UQCC1: variants seen among roughly 807,000 people sequenced by gnomAD.
The protein encoded by UQCC1 is ubiquinol-cytochrome c reductase complex assembly factor 1.
Under a neutral mutation model 48.0 loss-of-function variants are expected in UQCC1, and 38 were observed. That is an observed-to-expected ratio of 0.79 (90% CI 0.61 to 1.04). The LOEUF (loss-of-function observed/expected upper bound fraction) is 1.04, where lower values mean the gene tolerates loss of function less well. UQCC1 is among the 50% of genes least tolerant of loss of function. UQCC1 has a pLI of 0.00. For missense variants in UQCC1, 368 were observed against 381.8 expected (o/e 0.96, Z 0.30); for synonymous variants, 111 against 129.2 (o/e 0.86, Z 0.95).
At chr20:35,332,473 C>T (rs563830230) in intron 7 of UQCC1, among the ~76,000 whole-genome samples, 27 of 152,192 alleles carry the variant, frequency 1.8e-4, no homozygotes, top group Non-Finnish European at 3.7e-4. Context: ...ACATGCAGTA[C>T]GGTATCCTTT....
intron 1 of UQCC1, 135 bp from the exon 2 acceptor site, chr20:35,394,331 C>T (rs557061149): frequency 4.9e-5 from 36 of 735,592 alleles, no homozygotes; most frequent in Non-Finnish European, 7.3e-5. Flanking sequence ...TGGCACAGAG[C>T]TCCTAAAACC....
At chr20:35,398,753 T>G (rs200705377) in intron 1 of UQCC1, among the ~76,000 whole-genome samples, 90 of 106,430 alleles carry the variant, frequency 8.5e-4, no homozygotes, top group African/African-American at 1.0e-3. Context: ...GGGCCAAAGG[T>G]GGGGGGGGGG....
chr20:35,318,868 C>T (rs1280698799), intron 7 of UQCC1, among the ~76,000 whole-genome samples: 1 of 152,066 alleles, frequency 6.6e-6, no homozygotes, highest in Non-Finnish European at 1.5e-5. Flanking sequence ...GGATTTTATT[C>T]CCTCATTTAA....
At chr20:35,328,523 C>A (rs60537812) in intron 7 of UQCC1, among the ~76,000 whole-genome samples, 7,143 of 152,244 alleles carry the variant, frequency 0.047, 262 homozygotes, top group African/African-American at 0.098. Flanking sequence ...GTCTATTTTA[C>A]GGAGAGAAAA....
intron 7 of UQCC1, among the ~76,000 whole-genome samples, chr20:35,329,327 C>A (rs955459472): frequency 2.6e-5 from 4 of 152,166 alleles, no homozygotes; most frequent in African/African-American, 9.7e-5. Flanking sequence ...ATCTGAGCAT[C>A]AGTAGGACAG....
At chr20:35,379,834 T>C (rs1316320978) in intron 4 of UQCC1, among the ~76,000 whole-genome samples, 1 of 151,882 alleles carries the variant, frequency 6.6e-6, no homozygotes, top group East Asian at 1.9e-4. Context: ...TTAAATAAAA[T>C]AAAATGAAGG....
chr20:35,376,904 T>C (rs1424797593), intron 4 of UQCC1, among the ~76,000 whole-genome samples: 1 of 150,290 alleles, frequency 6.7e-6, no homozygotes, highest in Non-Finnish European at 1.5e-5. Context: ...GTGAGCTGAG[T>C]GCGCCACTGC....
intron 5 of UQCC1, among the ~76,000 whole-genome samples, chr20:35,371,699 GAAAA>G (rs57335287): frequency 2.2e-5 from 2 of 92,236 alleles, no homozygotes; most frequent in Admixed American, 1.1e-4. Context: ...GGCACTTAAA[GAAAA>G]AAAAAAAAAA....
rs116742995 is a variant in UQCC1 at position 35,346,818 on chromosome 20, T to C, written c.573+346A>G. ...ATTTATAGAAGGACTGGTTCAAATA[T>C]TGAACTGGTGTCAAAGGTATAGTAT... On this transcript the variant is annotated intron_variant, in intron 7 of 9. Transcript: ENST00000374385. The C allele has an allele frequency of 1.7e-3, 1,076 of 629,754 alleles. 16 individuals carry two copies. In the African/African-American group the frequency reaches 0.018, roughly 11 times the overall value. 39.0% of individuals were successfully genotyped at this position (629,754 alleles called of 1,614,324 possible). A position where few individuals can be genotyped will look rare whatever the true frequency, so the allele number is the denominator to read the frequency against.
intron 7 of UQCC1, among the ~76,000 whole-genome samples, chr20:35,336,248 A>C (rs1242781701): frequency 6.6e-6 from 1 of 152,202 alleles, no homozygotes; most frequent in Non-Finnish European, 1.5e-5. Context: ...TGTAAGTCTA[A>C]TTAAATTGCC....
intron 2 of UQCC1, among the ~76,000 whole-genome samples, chr20:35,391,586 G>A (rs936087705): frequency 7.9e-5 from 12 of 151,440 alleles, no homozygotes; most frequent in African/African-American, 2.7e-4. Context: ...TAGTGCCACT[G>A]CCAAGATAGT....
intron 2 of UQCC1, among the ~76,000 whole-genome samples, chr20:35,391,889 C>A (rs1403499658): frequency 6.6e-6 from 1 of 152,112 alleles, no homozygotes; most frequent in South Asian, 2.1e-4. Context: ...ACAACTCTTA[C>A]ATAAGTCTAA....
At position 35,335,115 on chromosome 20, in the gene UQCC1, AT is replaced by A. The variant is rs373224110; in HGVS notation, c.573+12048del. ...TAACTAATTTCATTATAACTAACAC[AT>A]ATCTAATTTCATTATAAACAAATGA... On this transcript the variant is annotated intron_variant, in intron 7 of 9. Transcript: ENST00000374385. 2.8e-3 allele frequency among the ~76,000 whole-genome samples: 424 copies of A among 152,342 alleles called. 1 individual carries two copies. Among genetic ancestry groups the A allele is most frequent in the Middle Eastern group, 0.027 (8 of 294 alleles).
chr20:35,400,029 A>G (rs899692051), intron 1 of UQCC1, among the ~76,000 whole-genome samples: 2 of 148,878 alleles, frequency 1.3e-5, no homozygotes, highest in African/African-American at 5.0e-5. Flanking sequence ...GGATTCAAGC[A>G]ATTCTCCTGC....
At chr20:35,404,138 T>C (rs2062211237) in intron 1 of UQCC1, among the ~76,000 whole-genome samples, 1 of 151,846 alleles carries the variant, frequency 6.6e-6, no homozygotes. Flanking sequence ...TCCCAGCACT[T>C]TGGGAAGCCG....
At chr20:35,317,591 T>G (rs1395872380) in intron 7 of UQCC1, among the ~76,000 whole-genome samples, 1 of 152,222 alleles carries the variant, frequency 6.6e-6, no homozygotes, top group Admixed American at 6.5e-5. Context: ...ATTTTCTGCC[T>G]GGGTACACAC....
chr20:35,388,237 C>G (rs1488882071), intron 2 of UQCC1, among the ~76,000 whole-genome samples: 1 of 151,908 alleles, frequency 6.6e-6, no homozygotes, highest in African/African-American at 2.4e-5. Context: ...CCACCTTAGC[C>G]TCCCAAAGTG....
At chr20:35,402,930 G>A (rs993139247) in intron 1 of UQCC1, among the ~76,000 whole-genome samples, 1 of 151,930 alleles carries the variant, frequency 6.6e-6, no homozygotes, top group Non-Finnish European at 1.5e-5. Flanking sequence ...AGCTGGGCAT[G>A]AGGGCATGCA....
At chr20:35,359,215 T>C (rs928592419) in intron 6 of UQCC1, among the ~76,000 whole-genome samples, 2 of 152,204 alleles carry the variant, frequency 1.3e-5, no homozygotes, top group African/African-American at 4.8e-5. Flanking sequence ...TGCATTTACA[T>C]TCATTCTGTC....
Sources: allele counts gnomAD v4.1 joint callset (sites outside exome capture counted in the v4.1 genomes callset), GRCh38; gene constraint gnomAD v4.1.1; transcripts MANE v1.5; gene names NCBI Gene and HGNC (gene_info 2026-07-23, HGNC 2026-07-21).